Variants in KIF1A observed in about 807,000 individuals in gnomAD.
KIF1A encodes kinesin-like protein KIF1A.
Under a neutral mutation model 227.3 loss-of-function variants are expected in KIF1A, and 46 were observed. The observed-to-expected ratio is 0.20, with a 90% confidence interval of 0.16 to 0.26. The LOEUF (loss-of-function observed/expected upper bound fraction) is 0.26, where lower values mean the gene tolerates loss of function less well. KIF1A is among the 10% of genes least tolerant of loss of function. The pLI is 1.00. For synonymous variants in KIF1A, 1,022 were observed against 1,012.8 expected, an observed-to-expected ratio of 1.01 and a Z score of -0.17; for missense variants, 1,683 against 2,485.9, an observed-to-expected ratio of 0.68 and a Z score of 6.87.
rs111390079 is a variant in KIF1A, at chr2:240,811,477, G to A, written c.-61+8645C>T. On this transcript the variant is annotated intron_variant, in intron 1 of 48. Transcript: ENST00000498729. The stretch of plus-strand genomic sequence containing the variant: ...CCAAGGGTGGCCAGAGCCTATGGGC[G>A]TGGCTGATGGCAGAAGGCAAAGCTG... Among the ~76,000 whole-genome samples, 353 of 152,316 alleles carry A rather than the reference G, an allele frequency of 2.3e-3. 1 individual carries two copies. Among genetic ancestry groups the A allele is most frequent in the African/African-American group, 8.0e-3 (333 of 41,570 alleles).
chr2:240,722,988 G>A (rs1252591897), intron 42 of KIF1A, among the ~76,000 whole-genome samples: 1 of 152,186 alleles, frequency 6.6e-6, no homozygotes, highest in African/African-American at 2.4e-5. Flanking sequence ...AGGGCCGAGG[G>A]GTGGGCAGAG....
At chr2:240,723,306 G>A (rs952292098) in intron 42 of KIF1A, 107 bp downstream of exon 42, 2 of 1,131,466 alleles carry the variant, frequency 1.8e-6, no homozygotes, top group East Asian at 5.2e-5. Context: ...AAGCAGCTGT[G>A]CTGCCCCCCA....
intron 10 of KIF1A, among the ~76,000 whole-genome samples, chr2:240,779,037 C>T (rs757805547): frequency 2.0e-5 from 3 of 146,376 alleles, no homozygotes; most frequent in East Asian, 1.9e-4. Context: ...CTCAGTTCCA[C>T]ACTCAGTCCC....
chr2:240,765,031 T>A (rs902883662), intron 20 of KIF1A, among the ~76,000 whole-genome samples: 2 of 152,212 alleles, frequency 1.3e-5, no homozygotes, highest in Non-Finnish European at 2.9e-5. Flanking sequence ...AATCTCTTTA[T>A]ACCTAGACAT....
chr2:240,781,411 CCACACACACACACACAGCTCCA>C (rs2053938686), intron 10 of KIF1A, among the ~76,000 whole-genome samples: 1 of 38,210 alleles, frequency 2.6e-5, no homozygotes, highest in Non-Finnish European at 4.7e-5. Context: ...ACACACAGCT[CCACACACACACACACAGCTCCA>C]CACACACACA....
chr2:240,786,615 C>A, intron 5 of KIF1A, 102 bp from the exon 6 acceptor site: 1 of 1,086,362 alleles, frequency 9.2e-7, no homozygotes. Context: ...CATAAGGACC[C>A]CTGAGTGAGG....
rs1284085416 is a variant in KIF1A at position 240,774,334 on chromosome 2, C to A, written c.959-73G>T. ...GGGCTATGTCTGCTCCCCCCTTCCC[C>A]CCACATTTACAGATGGGGAGGCTGA... On this transcript the variant is annotated intron_variant, in intron 11 of 48. Transcript: ENST00000498729. 3 of 999,522 alleles carry A rather than the reference C, an allele frequency of 3.0e-6. No homozygotes were observed. The South Asian group carries it at 4.1e-5, about 14-fold the overall frequency. 61.9% of individuals were successfully genotyped at this position (999,522 alleles called of 1,614,324 possible). A position where few individuals can be genotyped will look rare whatever the true frequency, so the allele number is the denominator to read the frequency against.
chr2:240,781,648 C>T, intron 10 of KIF1A: 1 of 615,016 alleles, frequency 1.6e-6, no homozygotes. Context: ...GTTCACTCCG[C>T]TCCACACACA....
chr2:240,716,461 C>G lies in KIF1A; in HGVS notation c.*903G>C, dbSNP rs1285166957. 1 of 152,460 alleles carries G rather than the reference C, an allele frequency of 6.6e-6. No homozygotes were observed. The highest frequency in any genetic ancestry group is 1.5e-5 in the Non-Finnish European group (1 of 68,182). The allele number at this position is 152,460 out of a possible 1,614,324, so 9.4% of individuals were successfully genotyped here. A position where few individuals can be genotyped will look rare whatever the true frequency, so the allele number is the denominator to read the frequency against. ...CGGAGACAGCACGCAGTCCCAGAGT[C>G]TGCACACTGGCAGGTGATCCCGACC... On this transcript the variant is annotated 3_prime_UTR_variant, in exon 49 of 49. Transcript: ENST00000498729.
intron 1 of KIF1A, among the ~76,000 whole-genome samples, chr2:240,800,758 G>A (rs1031552399): frequency 2.0e-5 from 3 of 152,240 alleles, no homozygotes; most frequent in Non-Finnish European, 2.9e-5. Context: ...GAGGAGTCTT[G>A]CACAGTCTCA....
Position 240,722,532 on chromosome 2 carries a change from G to A in KIF1A, c.4589C>T (p.Ser1530Phe). ...GCGGCCCTCAGCCGAGAGCGGGGAG[G>A]AGGCGCTGGAGGAGCCATGGGACTC... is the stretch of plus-strand genomic sequence containing the variant. ...DSESHGSSSA[S>F]SPLSAEGRPS... is the part of the protein sequence containing the mutation. The change falls in exon 43 of 49, where the codon TCC (serine) becomes TTC (phenylalanine). Residue 1530 changes from serine (S) to phenylalanine (F), a missense_variant. By Grantham distance (155) the Ser-to-Phe change is radical (BLOSUM62 -2). This residue lies in a region of KIF1A where 384 missense variants were observed against 410.1 expected (regional missense o/e 0.94). Transcript: ENST00000498729. The A allele has an allele frequency of 6.5e-7, 1 of 1,548,896 alleles. No individual in the cohort carries two copies. Among genetic ancestry groups the A allele is most frequent in the Non-Finnish European group, 8.7e-7 (1 of 1,146,830 alleles).
chr2:240,788,264 G>A lies in KIF1A; in HGVS notation c.184-34C>T. 1 of 1,603,772 alleles carries A rather than the reference G, an allele frequency of 6.2e-7. No individual in the cohort carries two copies. Among genetic ancestry groups the A allele is most frequent in the Non-Finnish European group, 8.5e-7 (1 of 1,172,470 alleles). On this transcript the variant is annotated intron_variant, in intron 3 of 48. Coordinates refer to ENST00000498729, the MANE Select transcript of KIF1A (RefSeq NM_001244008.2). The surrounding 1 kb of genome is among the most constrained non-coding windows in gnomAD (Gnocchi z 6.6). ...CGAGGAAGGAATGAAGTTGCAGGAGGCTGGGTGCATCCGAGGCTCAGCCCA... is the reference window on the plus strand; with the variant it reads ...CGAGGAAGGAATGAAGTTGCAGGAGACTGGGTGCATCCGAGGCTCAGCCCA...
Position 240,737,074 on chromosome 2 carries a change from G to A in KIF1A, c.3996C>T (p.Ala1332=). The A allele has an allele frequency of 6.2e-7, 1 of 1,612,662 alleles. No homozygotes were observed. Among genetic ancestry groups the A allele is most frequent in the Non-Finnish European group, 8.5e-7 (1 of 1,178,796 alleles). Residue 1332 remains alanine, a synonymous_variant, in exon 38 of 49, where the codon GCC becomes GCT. Transcript: ENST00000498729. ...AGTCTCCGACTCACCGGTCATCTTG[G>A]GCTGGGTGGATGTATCCGGAAGAGA... ...NILSSGYIHP[A]QDDRTFYQFE...
Position 240,722,483 on chromosome 2 carries a change from G to A in KIF1A, c.4638C>T (p.Asn1546=), listed in dbSNP as rs771217469. Residue 1546 remains asparagine, a synonymous_variant, in exon 43 of 49, where the codon AAC becomes AAT. Coordinates refer to ENST00000498729, the MANE Select transcript of KIF1A (RefSeq NM_001244008.2). ...TGACGGCCAGCTCCCGCTGCCTCTC[G>A]TTGGGAGCCTCCAGGGGTGATGGGC... ...EGRPSPLEAP[N]ERQRELAVKC... The A allele has an allele frequency of 1.0e-4, 158 of 1,547,304 alleles. No homozygotes were observed. Among genetic ancestry groups the A allele is most frequent in the South Asian group, 5.7e-4 (48 of 83,958 alleles).
chr2:240,760,866 C>A (rs1453789274), intron 24 of KIF1A, 23 bp from the exon 25 acceptor site: 1 of 1,598,756 alleles, frequency 6.3e-7, no homozygotes, highest in Non-Finnish European at 8.5e-7. Context: ...AAGATGACCA[C>A]TCGTCAGCTC....
intron 38 of KIF1A, among the ~76,000 whole-genome samples, chr2:240,732,148 T>C (rs149971648): frequency 2.0e-4 from 1 of 4,966 alleles, no homozygotes; most frequent in African/African-American, 9.8e-4. Context: ...GATGAGGGAT[T>C]GGGGAGGAGG....
chr2:240,758,478 G>A lies in KIF1A; in HGVS notation c.2464C>T (p.Arg822Trp), dbSNP rs1328033713. 7 of 1,600,550 alleles carry A rather than the reference G, an allele frequency of 4.4e-6. No homozygotes were observed. The highest frequency in any genetic ancestry group is 2.3e-5 in the South Asian group (2 of 88,688). The change falls in exon 26 of 49, where the codon CGG becomes TGG. Residue 822 changes from arginine to tryptophan, a missense_variant. Coordinates refer to ENST00000498729, the MANE Select transcript of KIF1A (RefSeq NM_001244008.2). The surrounding 1 kb of genome is among the most constrained non-coding windows in gnomAD (Gnocchi z 5.2). ...EKLRQRLDLMREMYDRAAEVP... is the reference protein window; with the variant it reads ...EKLRQRLDLMWEMYDRAAEVP... The stretch of plus-strand genomic sequence containing the variant: ...TCTGCAGCGCGGTCGTACATCTCCC[G>A]CATCAGGTCCAGACGCTGCCTGCAG...
intron 1 of KIF1A, among the ~76,000 whole-genome samples, chr2:240,810,805 C>T (rs1461655395): frequency 6.6e-6 from 1 of 152,112 alleles, no homozygotes; most frequent in Non-Finnish European, 1.5e-5. Flanking sequence ...AGGGCCTGGA[C>T]GCCACCAAGG....
chr2:240,767,188 A>G, intron 18 of KIF1A, 78 bp downstream of exon 18: 1 of 1,283,166 alleles, frequency 7.8e-7, no homozygotes. Flanking sequence ...CTGCAGAAGC[A>G]GGAATGGGGA....
Sources: gnomAD v4.1 joint callset for allele counts (sites outside exome capture counted in the v4.1 genomes callset) on GRCh38, gnomAD v4.1.1 for gene constraint, gnomAD v4.1.1 regional missense constraint, Gnocchi (gnomAD v3.1) non-coding constraint, MANE v1.5 for transcripts, NCBI Gene and HGNC (gene_info 2026-07-23, HGNC 2026-07-21) for gene names.